Variants in LIN28B observed in about 807,000 individuals in gnomAD.
LIN28B encodes the protein lin-28 RNA binding posttranscriptional regulator B.
A neutral mutation model predicts 21.9 loss-of-function variants in LIN28B; 5 were observed. That is an observed-to-expected ratio of 0.23 (90% CI 0.12 to 0.48). LIN28B has a LOEUF of 0.48. LIN28B is among the 20% of genes least tolerant of loss of function. LIN28B has a pLI of 0.98. For synonymous variants in LIN28B, 109 were observed against 111.3 expected (o/e 0.98, Z 0.13); for missense variants, 245 against 310.5 (o/e 0.79, Z 1.58).
At chr6:104,978,044 C>G (rs182181088) in intron 2 of LIN28B, among the ~76,000 whole-genome samples, 2 of 152,226 alleles carry the variant, frequency 1.3e-5, no homozygotes, top group African/African-American at 4.8e-5. Flanking sequence ...TTAAGAAAAC[C>G]AAGTGTTTAA....
chr6:105,004,156 A>G (rs985640314), intron 2 of LIN28B, among the ~76,000 whole-genome samples: 1 of 152,146 alleles, frequency 6.6e-6, no homozygotes, highest in East Asian at 1.9e-4. Flanking sequence ...CCTGTATTAT[A>G]TACTAGCCTC....
chr6:104,986,035 G>T (rs1770332308), intron 2 of LIN28B, among the ~76,000 whole-genome samples: 1 of 152,102 alleles, frequency 6.6e-6, no homozygotes, highest in Admixed American at 6.6e-5. Context: ...TGGGGGAGGG[G>T]CCTAGTGGAT....
At chr6:104,988,077 T>C (rs992915157) in intron 2 of LIN28B, among the ~76,000 whole-genome samples, 3 of 152,170 alleles carry the variant, frequency 2.0e-5, no homozygotes, top group Non-Finnish European at 4.4e-5. Flanking sequence ...AATTTTCTTT[T>C]TTGATTCACT....
At chr6:104,942,768 T>TA (rs1778111914) in intron 2 of LIN28B, among the ~76,000 whole-genome samples, 1 of 152,156 alleles carries the variant, frequency 6.6e-6, no homozygotes, top group Non-Finnish European at 1.5e-5. Flanking sequence ...TACCAATGAA[T>TA]AAAAAAGTTT....
intron 3 of LIN28B, among the ~76,000 whole-genome samples, chr6:105,051,738 G>C (rs890196678): frequency 6.6e-6 from 1 of 151,410 alleles, no homozygotes; most frequent in African/African-American, 2.4e-5. Context: ...GTTTCTCTCT[G>C]TAAATTCTTT....
intron 2 of LIN28B, among the ~76,000 whole-genome samples, chr6:104,978,380 G>A (rs1770151329): frequency 6.6e-6 from 1 of 152,120 alleles, no homozygotes; most frequent in South Asian, 2.1e-4. Context: ...ACTAGTAGAG[G>A]CCTTGAAATG....
chr6:105,011,186 G>A (rs1162978149), intron 2 of LIN28B, among the ~76,000 whole-genome samples: 1 of 152,064 alleles, frequency 6.6e-6, no homozygotes, highest in Non-Finnish European at 1.5e-5. Flanking sequence ...ACTAACATCA[G>A]TGTTCCTCCT....
intron 3 of LIN28B, among the ~76,000 whole-genome samples, chr6:105,063,635 CGGG>C (rs762449779): frequency 0.11 from 10,576 of 97,898 alleles, 1,167 homozygotes; most frequent in African/African-American, 0.28. Flanking sequence ...GACTCCATCT[CGGG>C]GGGGGGGGGG....
chr6:105,077,423 GTTTT>G (rs1562116441), intron 3 of LIN28B, among the ~76,000 whole-genome samples: 2 of 151,638 alleles, frequency 1.3e-5, no homozygotes, highest in African/African-American at 4.8e-5. Context: ...TCCACTAATG[GTTTT>G]TTTGTTACTT....
chr6:105,008,415 C>CGGGCGGATCACGA (rs1770858441), intron 2 of LIN28B, among the ~76,000 whole-genome samples: 1 of 151,994 alleles, frequency 6.6e-6, no homozygotes, highest in Admixed American at 6.6e-5. Context: ...GAGGCCGAGG[C>CGGGCGGATCACGA]GGGCGGATCA....
At chr6:105,057,233 C>T (rs1267561557) in intron 3 of LIN28B, among the ~76,000 whole-genome samples, 1 of 152,132 alleles carries the variant, frequency 6.6e-6, no homozygotes, top group Non-Finnish European at 1.5e-5. Flanking sequence ...GTTTTCCAAT[C>T]CATCAGCTAT....
intron 3 of LIN28B, among the ~76,000 whole-genome samples, chr6:105,046,652 A>G (rs1400397285): frequency 2.6e-5 from 4 of 151,966 alleles, no homozygotes; most frequent in African/African-American, 4.8e-5. Context: ...AAGTGTTCCT[A>G]TTTCTCCACA....
rs1205224790 is a variant in LIN28B, at chr6:104,991,136, C to T, written c.198+32850C>T. 1.5e-4 allele frequency among the ~76,000 whole-genome samples: 11 copies of T among 72,894 alleles called. No homozygotes were observed. The Admixed American group carries it at 1.9e-3, about 13-fold the overall frequency. 47.8% of individuals were successfully genotyped at this position (72,894 alleles called of 152,430 possible). ...GCTCCTCACTTCCCAGAAGGGGCGG[C>T]CGGGCAGAGGCGCCCCCCCACCTCC... On this transcript the variant is annotated intron_variant, in intron 2 of 3. Coordinates refer to ENST00000345080, the MANE Select transcript of LIN28B (RefSeq NM_001004317.4).
At chr6:105,061,688 T>C (rs1218517037) in intron 3 of LIN28B, among the ~76,000 whole-genome samples, 2 of 152,162 alleles carry the variant, frequency 1.3e-5, no homozygotes, top group Non-Finnish European at 2.9e-5. Context: ...GTGGAAATTA[T>C]GTTCATCTTC....
intron 3 of LIN28B, among the ~76,000 whole-genome samples, chr6:105,041,840 A>G (rs1771644380): frequency 6.6e-6 from 1 of 151,822 alleles, no homozygotes. Context: ...CTTCCAACAA[A>G]CCTCTGGGTA....
intron 2 of LIN28B, among the ~76,000 whole-genome samples, chr6:104,977,114 G>A (rs772981957): frequency 6.6e-6 from 1 of 151,074 alleles, no homozygotes; most frequent in Non-Finnish European, 1.5e-5. Flanking sequence ...GTATAATCTT[G>A]TACTCCGAGA....
At chr6:105,006,897 T>A (rs1770827288) in intron 2 of LIN28B, among the ~76,000 whole-genome samples, 1 of 152,212 alleles carries the variant, frequency 6.6e-6, no homozygotes, top group Non-Finnish European at 1.5e-5. Flanking sequence ...TATATGGCCA[T>A]GCCTAATGTA....
chr6:105,026,469 C>T lies in LIN28B; in HGVS notation c.370C>T (p.Pro124Ser). The T allele has an allele frequency of 6.4e-7, 1 of 1,568,008 alleles. No individual in the cohort carries two copies. Among genetic ancestry groups the T allele is most frequent in the Non-Finnish European group, 8.6e-7 (1 of 1,161,788 alleles). ...PKGKTLQKRK[P>S]KGDRCYNCGG... ...AGGGAAGACACTACAGAAAAGAAAACCAAAGGGAGATAGGTAATCATTTTT... is the reference window on the plus strand; with the variant it reads ...AGGGAAGACACTACAGAAAAGAAAATCAAAGGGAGATAGGTAATCATTTTT... Residue 124 changes from proline (P) to serine (S), a missense_variant, in exon 3 of 4, where the codon CCA becomes TCA. Coordinates refer to ENST00000345080, the MANE Select transcript of LIN28B (RefSeq NM_001004317.4).
intron 2 of LIN28B, among the ~76,000 whole-genome samples, chr6:104,973,845 T>C (rs1770027695): frequency 6.6e-6 from 1 of 152,238 alleles, no homozygotes; most frequent in African/African-American, 2.4e-5. Context: ...AATTCTTTTA[T>C]ACCTTTTCTA....
Sources: allele counts gnomAD v4.1 joint callset (sites outside exome capture counted in the v4.1 genomes callset), GRCh38; gene constraint gnomAD v4.1.1; transcripts MANE v1.5; gene names NCBI Gene and HGNC (gene_info 2026-07-23, HGNC 2026-07-21).